The following NBEA variants were observed in gnomAD, a reference collection of about 807,000 sequenced individuals.
The protein encoded by NBEA is lysosomal-trafficking regulator 2.
NBEA carries 44 observed loss-of-function variants against 343.4 expected under a neutral mutation model. The observed-to-expected ratio is 0.13, with a 90% CI of 0.10 to 0.16. NBEA has a LOEUF of 0.16. NBEA is among the 10% of genes least tolerant of loss of function. The pLI, the probability that NBEA is intolerant of heterozygous loss-of-function variation, is 1.00. For synonymous variants in NBEA, 1,175 were observed against 1,238.7 expected (o/e 0.95, Z 1.08); for missense variants, 2,555 against 3,631.3 (o/e 0.70, Z 7.62).
At chr13:35,344,251 T>C (rs187785662) in intron 36 of NBEA, among the ~76,000 whole-genome samples, 1 of 152,056 alleles carries the variant, frequency 6.6e-6, no homozygotes, top group Non-Finnish European at 1.5e-5. Flanking sequence ...TTGTAGAATG[T>C]AAGGAAAATG....
chr13:35,175,843 T>C (rs1002341912), intron 27 of NBEA, among the ~76,000 whole-genome samples: 2 of 152,150 alleles, frequency 1.3e-5, no homozygotes, highest in African/African-American at 2.4e-5. Flanking sequence ...CATACCTTCA[T>C]GTGACCTCAT....
intron 8 of NBEA, among the ~76,000 whole-genome samples, chr13:35,063,453 C>G (rs556884958): frequency 6.6e-6 from 1 of 152,018 alleles, no homozygotes; most frequent in East Asian, 1.9e-4. Context: ...ATGCCAGAGC[C>G]AGAATAAAGG....
At chr13:34,946,078 G>T (rs959697036) in intron 1 of NBEA, among the ~76,000 whole-genome samples, 1 of 152,138 alleles carries the variant, frequency 6.6e-6, no homozygotes, top group Non-Finnish European at 1.5e-5. Flanking sequence ...ACTTAAAACA[G>T]TGAAATATGG....
intron 44 of NBEA, among the ~76,000 whole-genome samples, chr13:35,561,407 A>G (rs2079850169): frequency 6.6e-6 from 1 of 152,186 alleles, no homozygotes; most frequent in Non-Finnish European, 1.5e-5. Flanking sequence ...TCACATGTTT[A>G]AAAATATAGG....
At chr13:35,644,242 G>A (rs2084109343) in intron 49 of NBEA, among the ~76,000 whole-genome samples, 1 of 152,148 alleles carries the variant, frequency 6.6e-6, no homozygotes, top group Non-Finnish European at 1.5e-5. Flanking sequence ...TTAATGAAAG[G>A]ATAAAGTTAG....
chr13:35,039,040 G>T (rs2062552537), intron 1 of NBEA, among the ~76,000 whole-genome samples: 1 of 152,190 alleles, frequency 6.6e-6, no homozygotes, highest in Non-Finnish European at 1.5e-5. Flanking sequence ...CTCAGGTTTG[G>T]ACTGCTGGTA....
chr13:35,282,561 A>T (rs1292632649), intron 34 of NBEA, among the ~76,000 whole-genome samples: 1 of 152,158 alleles, frequency 6.6e-6, no homozygotes, highest in African/African-American at 2.4e-5. Flanking sequence ...CCCAAAAATA[A>T]TTGCAAGATC....
At chr13:34,992,236 G>A (rs1483357548) in intron 1 of NBEA, among the ~76,000 whole-genome samples, 1 of 101,060 alleles carries the variant, frequency 9.9e-6, no homozygotes, top group Non-Finnish European at 2.2e-5. Context: ...GTGTGTGTGT[G>A]TGTATATATA....
At chr13:35,045,220 G>A in intron 3 of NBEA, 86 bp from the exon 4 acceptor site, 1 of 1,255,494 alleles carries the variant, frequency 8.0e-7, no homozygotes, top group Non-Finnish European at 1.1e-6. Flanking sequence ...TCTCTAGTTA[G>A]AAAACAGTCC....
chr13:35,425,146 C>T (rs2152926221), intron 38 of NBEA, among the ~76,000 whole-genome samples: 1 of 152,150 alleles, frequency 6.6e-6, no homozygotes, highest in South Asian at 2.1e-4. Flanking sequence ...TCTCTATTTC[C>T]TTCAGTTCTG....
chr13:35,594,990 CAAAT>C (rs1372224698), intron 47 of NBEA, among the ~76,000 whole-genome samples: 5 of 140,838 alleles, frequency 3.6e-5, no homozygotes, highest in African/African-American at 8.5e-5. Context: ...CACACACACA[CAAAT>C]TGGCTTTTCA....
intron 34 of NBEA, among the ~76,000 whole-genome samples, chr13:35,283,440 A>G (rs1689504674): frequency 6.6e-6 from 1 of 152,176 alleles, no homozygotes; most frequent in African/African-American, 2.4e-5. Context: ...GTTCTTCCAA[A>G]TATCTGAAAT....
At chr13:35,312,208 T>C (rs2037416070) in intron 36 of NBEA, among the ~76,000 whole-genome samples, 1 of 152,300 alleles carries the variant, frequency 6.6e-6, no homozygotes, top group South Asian at 2.1e-4. Flanking sequence ...GTATAGGTAA[T>C]GATGCAATCG....
chr13:35,585,002 TC>T (rs1054383040), intron 46 of NBEA, among the ~76,000 whole-genome samples: 2 of 151,290 alleles, frequency 1.3e-5, no homozygotes, highest in South Asian at 2.1e-4. Flanking sequence ...GCACTTGCTC[TC>T]CCCCCCTCCC....
chr13:35,604,271 C>A (rs1344652686), intron 47 of NBEA, among the ~76,000 whole-genome samples: 5 of 152,184 alleles, frequency 3.3e-5, no homozygotes, highest in African/African-American at 9.6e-5. Flanking sequence ...CTCCATTTCC[C>A]CGTTCATATT....
At chr13:35,437,803 G>T (rs1461975) in intron 39 of NBEA, among the ~76,000 whole-genome samples, 3,057 of 152,094 alleles carry the variant, frequency 0.02, 87 homozygotes, top group African/African-American at 0.069. Flanking sequence ...AGCTAATAGG[G>T]AAATGATTGA....
At chr13:35,092,564 C>G (rs530895311) in intron 10 of NBEA, among the ~76,000 whole-genome samples, 2 of 152,006 alleles carry the variant, frequency 1.3e-5, no homozygotes, top group South Asian at 4.1e-4. Context: ...AGAGTAGACA[C>G]TTTACCAAAG....
rs755938062 is a variant in NBEA, at chr13:35,019,499, A to T, written c.295-21434A>T. Among the ~76,000 whole-genome samples, 10 of 151,892 alleles carry T rather than the reference A, an allele frequency of 6.6e-5. No homozygotes were observed. In the South Asian group the frequency reaches 2.1e-3, roughly 32 times the overall value. ...TTTTTAGTAGATACAGGGTCTCACC[A>T]TGTTGGCCAGGCTGGTCTCGAACTC... On this transcript the variant is annotated intron_variant, in intron 1 of 58. Coordinates refer to ENST00000379939, the MANE Select transcript of NBEA (RefSeq NM_001385012.1).
At chr13:35,395,300 C>T (rs1424804303) in intron 38 of NBEA, among the ~76,000 whole-genome samples, 1 of 151,884 alleles carries the variant, frequency 6.6e-6, no homozygotes, top group Non-Finnish European at 1.5e-5. Flanking sequence ...GGATTTCCCC[C>T]TTTGGTGCTA....
Sources: gnomAD v4.1 joint callset for allele counts (sites outside exome capture counted in the v4.1 genomes callset) on GRCh38, gnomAD v4.1.1 for gene constraint, MANE v1.5 for transcripts, NCBI Gene and HGNC (gene_info 2026-07-23, HGNC 2026-07-21) for gene names.